CELA2A: variants seen among roughly 807,000 people sequenced by gnomAD.
CELA2A encodes the protein chymotrypsin-like elastase family member 2A.
In CELA2A, 31 loss-of-function variants were observed where a neutral mutation model predicts 35.3. The observed-to-expected ratio is 0.88, with a 90% confidence interval of 0.66 to 1.19. The LOEUF (loss-of-function observed/expected upper bound fraction) is 1.19. CELA2A is among the 50% of genes most tolerant of loss of function. CELA2A has a pLI of 0.00. For synonymous variants in CELA2A, 150 were observed against 149.8 expected, an observed-to-expected ratio of 1.00 and a Z score of -0.01; for missense variants, 330 against 352.9, an observed-to-expected ratio of 0.94 and a Z score of 0.52.
chr1:15,463,502 C>A lies in CELA2A; in HGVS notation c.473C>A (p.Thr158Lys). The change falls in exon 5 of 8, where the codon ACG becomes AAG. Residue 158 changes from threonine to lysine, a missense_variant. Coordinates refer to ENST00000359621, the MANE Select transcript of CELA2A (RefSeq NM_033440.3). The stretch of plus-strand genomic sequence containing the variant: ...CCCAACAACTACCCCTGCTACGTCA[C>A]GGGCTGGGGAAGGCTGCAGAGTAAG... ...ILPNNYPCYV[T>K]GWGRLQTNGA... 6.2e-7 allele frequency: 1 copy of A among 1,613,870 alleles called. No individual in the cohort carries two copies. Among genetic ancestry groups the A allele is most frequent in the Non-Finnish European group, 8.5e-7 (1 of 1,179,832 alleles).
rs1223213384 is a variant in CELA2A, at chr1:15,456,793, G to T, written c.40G>T (p.Ala14Ser). The T allele has an allele frequency of 6.2e-7, 1 of 1,614,158 alleles. No individual in the cohort carries two copies. Among genetic ancestry groups the T allele is most frequent in the Non-Finnish European group, 8.5e-7 (1 of 1,180,026 alleles). The change falls in exon 1 of 8, where the codon GCC becomes TCC. Residue 14 changes from alanine (A) to serine (S), a missense_variant and splice_region_variant. Transcript: ENST00000359621. ...GCTGCTGTCCACTTTGGTGGCTGGA[G>T]GTAAGTCCTGTTACCCAGAGGCACT... ...TLLLSTLVAG[A>S]LSCGDPTYPP...
At position 15,462,977 on chromosome 1, in the gene CELA2A, G is replaced by A. The variant is rs1415472264; in HGVS notation, c.356+116G>A. 5.5e-6 allele frequency: 8 copies of A among 1,448,686 alleles called. No individual in the cohort carries two copies. The South Asian group carries it at 7.4e-5, about 13-fold the overall frequency. The allele number at this position is 1,448,686 out of a possible 1,614,324, so 89.7% of individuals were successfully genotyped here. A position where few individuals can be genotyped will look rare whatever the true frequency, so the allele number is the denominator to read the frequency against. The stretch of plus-strand genomic sequence containing the variant: ...CCCTCTGCTTCTTCTACAGGGAGGG[G>A]GAAGGAGCTCTGGCCTCTTAGATGT... On this transcript the variant is annotated intron_variant, in intron 4 of 7. Coordinates refer to ENST00000359621, the MANE Select transcript of CELA2A (RefSeq NM_033440.3).
chr1:15,460,721 G>A (rs867764215), intron 2 of CELA2A, among the ~76,000 whole-genome samples: 79 of 151,652 alleles, frequency 5.2e-4, no homozygotes, highest in African/African-American at 1.8e-3. Flanking sequence ...TTTTTGGTAG[G>A]GTCAAGTTCT....
At chr1:15,465,250 A>T (rs1428890642) in intron 5 of CELA2A, among the ~76,000 whole-genome samples, 3 of 152,024 alleles carry the variant, frequency 2.0e-5, no homozygotes, top group Non-Finnish European at 4.4e-5. Context: ...ACCTCAAGTG[A>T]TCTGCCCACC....
intron 2 of CELA2A, among the ~76,000 whole-genome samples, chr1:15,458,775 T>C (rs1377311233): frequency 6.6e-6 from 1 of 151,862 alleles, no homozygotes; most frequent in Non-Finnish European, 1.5e-5. Flanking sequence ...TAGCCAGGCA[T>C]GGTGGCGGGC....
At chr1:15,469,147 C>T (rs1708559317) in intron 7 of CELA2A, among the ~76,000 whole-genome samples, 1 of 150,734 alleles carries the variant, frequency 6.6e-6, no homozygotes, top group Admixed American at 6.6e-5. Flanking sequence ...CACTGCACTC[C>T]AGCCTGGGCG....
chr1:15,461,747 T>C (rs1398141529), intron 3 of CELA2A, 89 bp downstream of exon 3: 1 of 1,475,002 alleles, frequency 6.8e-7, no homozygotes, highest in African/African-American at 1.4e-5. Flanking sequence ...CCATGCTACA[T>C]AAAGCAGCCT....
chr1:15,459,162 ATTT>A lies in CELA2A; in HGVS notation c.129+2001_129+2003del, dbSNP rs34895778. 1.2e-3 allele frequency among the ~76,000 whole-genome samples: 171 copies of A among 137,190 alleles called. 2 individuals are homozygous for A. Among genetic ancestry groups the A allele is most frequent in the East Asian group, 6.5e-4 (3 of 4,612 alleles). 90.0% of individuals were successfully genotyped at this position (137,190 alleles called of 152,430 possible). ...CCCACCACTGTGCTCACCCATAGTA[ATTT>A]TTTTTTTTTTTTGAGACAGTGTCAC... is the stretch of plus-strand genomic sequence containing the variant. On this transcript the variant is annotated intron_variant, in intron 2 of 7. Transcript: ENST00000359621.
intron 7 of CELA2A, among the ~76,000 whole-genome samples, chr1:15,468,772 G>A (rs187745418): frequency 3.9e-5 from 6 of 152,260 alleles, no homozygotes; most frequent in East Asian, 3.9e-4. Context: ...AAGCCTGGGC[G>A]ACATAGCAAG....
chr1:15,466,982 G>A (rs753752819), intron 6 of CELA2A, among the ~76,000 whole-genome samples: 7 of 152,160 alleles, frequency 4.6e-5, no homozygotes, highest in African/African-American at 1.7e-4. Context: ...TAGACCACCC[G>A]CGGGAAGACG....
At chr1:15,470,355 A>C (rs920261440) in intron 7 of CELA2A, among the ~76,000 whole-genome samples, 1 of 152,168 alleles carries the variant, frequency 6.6e-6, no homozygotes, top group African/African-American at 2.4e-5. Flanking sequence ...AAAAGAGCAG[A>C]GAAGCAGAGG....
chr1:15,465,844 C>T (rs1708509058), intron 5 of CELA2A, 155 bp from the exon 6 acceptor site: 1 of 860,314 alleles, frequency 1.2e-6, no homozygotes, highest in South Asian at 1.6e-5. Context: ...CACTGCTGAA[C>T]CAATCAACCG....
chr1:15,458,450 T>G (rs1338839011), intron 2 of CELA2A, among the ~76,000 whole-genome samples: 1 of 152,210 alleles, frequency 6.6e-6, no homozygotes, highest in Non-Finnish European at 1.5e-5. Flanking sequence ...ACAAGCATAA[T>G]TGATATAAAC....
intron 7 of CELA2A, among the ~76,000 whole-genome samples, chr1:15,468,645 A>G (rs1708553236): frequency 1.3e-5 from 2 of 152,110 alleles, no homozygotes; most frequent in Non-Finnish European, 2.9e-5. Flanking sequence ...TGTCTTTACA[A>G]AAAAATTTTT....
chr1:15,461,810 C>A, intron 3 of CELA2A, 152 bp downstream of exon 3: 1 of 880,892 alleles, frequency 1.1e-6, no homozygotes, highest in Non-Finnish European at 1.9e-6. Flanking sequence ...ATCAATGGTT[C>A]AGTGTGTTGG....
chr1:15,459,077 A>G (rs1708398126), intron 2 of CELA2A, among the ~76,000 whole-genome samples: 1 of 151,044 alleles, frequency 6.6e-6, no homozygotes, highest in African/African-American at 2.4e-5. Flanking sequence ...TGCAGCCTCC[A>G]ACTCCTGGGC....
At chr1:15,471,880 G>A (rs751939272) in intron 7 of CELA2A, 110 bp from the exon 8 acceptor site, 161 of 1,324,582 alleles carry the variant, frequency 1.2e-4, no homozygotes, top group Non-Finnish European at 1.6e-4. Flanking sequence ...TGTAGTGTGG[G>A]CTGCCTGTAA....
In CELA2A at chr1:15,466,073, G is replaced by A. The variant is rs61746995; in HGVS notation, c.568G>A (p.Ala190Thr). ...GGACTATGCCACCTGCTCCAGCTCT[G>A]CCTGGTGGGGCAGCAGCGTGAAAAC... ...VVDYATCSSS[A>T]WWGSSVKTSM... The change falls in exon 6 of 8, where the codon GCC (alanine) becomes ACC (threonine). Residue 190 changes from alanine (A) to threonine (T), a missense_variant. Transcript: ENST00000359621. The A allele has an allele frequency of 4.5e-4, 731 of 1,614,132 alleles. 2 individuals are homozygous for A. Among genetic ancestry groups the A allele is most frequent in the Non-Finnish European group, 5.7e-4 (669 of 1,180,030 alleles).
intron 2 of CELA2A, among the ~76,000 whole-genome samples, chr1:15,457,847 G>A (rs574367976): frequency 6.6e-6 from 1 of 152,190 alleles, no homozygotes; most frequent in South Asian, 2.1e-4. Flanking sequence ...AGTGCTATTT[G>A]CGCAGATTAA....
Sources: gnomAD v4.1 joint callset for allele counts (sites outside exome capture counted in the v4.1 genomes callset) on GRCh38, gnomAD v4.1.1 for gene constraint, MANE v1.5 for transcripts, NCBI Gene and HGNC (gene_info 2026-07-23, HGNC 2026-07-21) for gene names.